The following RAD9B variants were observed in gnomAD, a reference collection of about 807,000 sequenced individuals.
RAD9B encodes the protein cell cycle checkpoint control protein RAD9B.
In RAD9B, 41 loss-of-function variants were observed where a neutral mutation model predicts 48.3. That is an observed-to-expected ratio of 0.85 (90% CI 0.66 to 1.10). The LOEUF (loss-of-function observed/expected upper bound fraction) is 1.10, where lower values mean the gene tolerates loss of function less well. RAD9B is among the 50% of genes least tolerant of loss of function. The pLI is 0.00. For synonymous variants in RAD9B, 160 were observed against 157.9 expected, an observed-to-expected ratio of 1.01 and a Z score of -0.10; for missense variants, 444 against 485.1, an observed-to-expected ratio of 0.92 and a Z score of 0.80.
chr12:110,530,759 T>G lies in RAD9B; in HGVS notation c.*106T>G. 4.6e-6 allele frequency: 7 copies of G among 1,525,676 alleles called. No individual in the cohort carries two copies. The South Asian group carries it at 9.0e-5, about 20-fold the overall frequency. 94.5% of individuals were successfully genotyped at this position (1,525,676 alleles called of 1,614,324 possible). On this transcript the variant is annotated 3_prime_UTR_variant, in exon 11 of 11. Transcript: ENST00000409300. ...CTAAAAGAGGTTGTCCAGGACTTCC[T>G]TTTAATGGAGGATGGGCTTTTAAAC...
intron 9 of RAD9B, among the ~76,000 whole-genome samples, chr12:110,521,851 C>T (rs993960496): frequency 1.3e-5 from 2 of 151,956 alleles, no homozygotes; most frequent in Non-Finnish European, 2.9e-5. Context: ...CCACCGTGCC[C>T]GGCCGAAAAC....
At chr12:110,509,158 C>T (rs781422215) in intron 4 of RAD9B, among the ~76,000 whole-genome samples, 31 of 151,458 alleles carry the variant, frequency 2.0e-4, no homozygotes, top group Non-Finnish European at 3.4e-4. Context: ...TTAGTAGAGA[C>T]GGGGTTTCAA....
chr12:110,513,883 C>G (rs945751511), intron 5 of RAD9B, among the ~76,000 whole-genome samples: 1 of 151,808 alleles, frequency 6.6e-6, no homozygotes, highest in African/African-American at 2.4e-5. Flanking sequence ...GCCACCATGC[C>G]TGGCTAATTT....
At chr12:110,529,343 C>G (rs1046505205) in intron 10 of RAD9B, among the ~76,000 whole-genome samples, 17 of 151,862 alleles carry the variant, frequency 1.1e-4, no homozygotes, top group Admixed American at 1.1e-3. Flanking sequence ...CGGGGTTTCA[C>G]TATGTTGGCC....
chr12:110,522,912 T>C (rs995362345), intron 10 of RAD9B, among the ~76,000 whole-genome samples: 1 of 152,218 alleles, frequency 6.6e-6, no homozygotes, highest in Non-Finnish European at 1.5e-5. Context: ...TTCTATAAGA[T>C]AGATGATAAG....
At position 110,519,924 on chromosome 12, in the gene RAD9B, T is replaced by C. The variant is rs765847534; in HGVS notation, c.890+8T>C. 1 of 1,609,268 alleles carries C rather than the reference T, an allele frequency of 6.2e-7. No individual in the cohort carries two copies. Among genetic ancestry groups the C allele is most frequent in the East Asian group, 2.2e-5 (1 of 44,754 alleles). On this transcript the variant is annotated splice_region_variant and intron_variant, in intron 9 of 10. Coordinates refer to ENST00000409300, the MANE Select transcript of RAD9B (RefSeq NM_001286535.2). ...TTCACAGAAACGAAAAAGGTAAGAC[T>C]GTGTTTTAACTTCTTTATTACTTGG...
intron 5 of RAD9B, 127 bp downstream of exon 5, chr12:110,513,005 G>A (rs930152444): frequency 2.4e-5 from 14 of 572,274 alleles, no homozygotes; most frequent in Admixed American, 1.8e-4. Context: ...TCGCTGTGTC[G>A]CCCAGGCTGG....
intron 2 of RAD9B, 41 bp from the exon 3 acceptor site, chr12:110,505,576 T>C (rs1273292963): frequency 1.0e-5 from 15 of 1,498,514 alleles, no homozygotes; most frequent in Non-Finnish European, 1.3e-5. Flanking sequence ...GGAGCCACCA[T>C]GCGCAACCTC....
chr12:110,529,569 A>G (rs2064061427), intron 10 of RAD9B, among the ~76,000 whole-genome samples: 1 of 151,882 alleles, frequency 6.6e-6, no homozygotes, highest in Admixed American at 6.6e-5. Context: ...TGGGCCACGT[A>G]GCAAGACCTG....
chr12:110,530,834 G>C lies in RAD9B; in HGVS notation c.*181G>C, dbSNP rs1489664109. ...ATCTAGAAATAGCTGTTTGTCAAGT[G>C]TATGTAACTTGCTTTAAATCCATTA... On this transcript the variant is annotated 3_prime_UTR_variant, in exon 11 of 11. Coordinates refer to ENST00000409300, the MANE Select transcript of RAD9B (RefSeq NM_001286535.2). 16 of 1,378,628 alleles carry C rather than the reference G, an allele frequency of 1.2e-5. No individual in the cohort carries two copies. The highest frequency in any genetic ancestry group is 1.4e-5 in the African/African-American group (1 of 68,990). The allele number at this position is 1,378,628 out of a possible 1,614,324, so 85.4% of individuals were successfully genotyped here.
chr12:110,507,913 G>A (rs1036846189), intron 4 of RAD9B, among the ~76,000 whole-genome samples: 1 of 151,862 alleles, frequency 6.6e-6, no homozygotes, highest in African/African-American at 2.4e-5. Context: ...ACCTCCCAAA[G>A]TGCTGGGATT....
Position 110,502,352 on chromosome 12 carries a change from G to A in RAD9B, c.15G>A (p.Leu5=). MAAM[L]KCVMSGSQVK... Reference sequence around the variant, plus strand: ...TTTTAGGGCGGATGGCAGCCATGCTGAAGTGCGTGATGAGCGGCAGTCAGG... The same window carrying A: ...TTTTAGGGCGGATGGCAGCCATGCTAAAGTGCGTGATGAGCGGCAGTCAGG... The change falls in exon 1 of 11, where the codon CTG becomes CTA. Residue 5 remains leucine (L), a synonymous_variant. Transcript: ENST00000409300. 6.2e-7 allele frequency: 1 copy of A among 1,613,738 alleles called. No homozygotes were observed. Among genetic ancestry groups the A allele is most frequent in the Non-Finnish European group, 8.5e-7 (1 of 1,179,794 alleles).
At position 110,531,252 on chromosome 12, in the gene RAD9B, G is replaced by A. The variant is rs2064128184; in HGVS notation, c.*599G>A. 7 of 662,766 alleles carry A rather than the reference G, an allele frequency of 1.1e-5. No individual in the cohort carries two copies. The highest frequency in any genetic ancestry group is 1.4e-5 in the Non-Finnish European group (7 of 504,876). 41.1% of individuals were successfully genotyped at this position (662,766 alleles called of 1,614,324 possible). Reference sequence around the variant, plus strand: ...TTGTCACTCAGGCTCAAGTGCAGTGGTGCAATCTCTGCTCACTGCAACATC... The same window carrying A: ...TTGTCACTCAGGCTCAAGTGCAGTGATGCAATCTCTGCTCACTGCAACATC... On this transcript the variant is annotated 3_prime_UTR_variant, in exon 11 of 11. Coordinates refer to ENST00000409300, the MANE Select transcript of RAD9B (RefSeq NM_001286535.2).
intron 10 of RAD9B, among the ~76,000 whole-genome samples, chr12:110,528,487 C>A (rs2064015957): frequency 6.6e-6 from 1 of 152,218 alleles, no homozygotes; most frequent in Non-Finnish European, 1.5e-5. Context: ...CAGCTCTACA[C>A]CAAAGACTCA....
chr12:110,530,256 A>G (rs929327988), intron 10 of RAD9B, among the ~76,000 whole-genome samples: 7 of 152,146 alleles, frequency 4.6e-5, no homozygotes, highest in African/African-American at 1.7e-4. Context: ...CATGTTAGTC[A>G]GGATGGTCTC....
At chr12:110,529,019 T>C (rs916438937) in intron 10 of RAD9B, among the ~76,000 whole-genome samples, 1 of 151,830 alleles carries the variant, frequency 6.6e-6, no homozygotes, top group Non-Finnish European at 1.5e-5. Flanking sequence ...TGAGCTACCG[T>C]GCCGGGCCTG....
rs1020279136 is a variant in RAD9B, at chr12:110,512,309, C to T, written c.389-470C>T. 3.3e-5 allele frequency among the ~76,000 whole-genome samples: 5 copies of T among 151,862 alleles called. No individual in the cohort carries two copies. The East Asian group carries it at 7.7e-4, about 23-fold the overall frequency. On this transcript the variant is annotated intron_variant, in intron 4 of 10. Coordinates refer to ENST00000409300, the MANE Select transcript of RAD9B (RefSeq NM_001286535.2). ...GATTACAGGCATGCACCACCATGCC[C>T]GACTGATTTTTGTATTTTTAGTAGA...
intron 10 of RAD9B, among the ~76,000 whole-genome samples, chr12:110,529,025 G>A (rs1179990249): frequency 6.6e-6 from 1 of 151,968 alleles, no homozygotes; most frequent in Non-Finnish European, 1.5e-5. Context: ...ACCGTGCCGG[G>A]CCTGGAGAAG....
intron 5 of RAD9B, among the ~76,000 whole-genome samples, chr12:110,513,276 T>G (rs2063516716): frequency 6.6e-6 from 1 of 151,624 alleles, no homozygotes; most frequent in Non-Finnish European, 1.5e-5. Flanking sequence ...CCATTACATT[T>G]TTTTTTTTTA....
Sources: gnomAD v4.1 joint callset for allele counts (sites outside exome capture counted in the v4.1 genomes callset) on GRCh38, gnomAD v4.1.1 for gene constraint, MANE v1.5 for transcripts, NCBI Gene and HGNC (gene_info 2026-07-23, HGNC 2026-07-21) for gene names.